Variants in SSU72 observed in about 807,000 individuals in gnomAD.
The protein encoded by SSU72 is SSU72 homolog, RNA polymerase II CTD phosphatase.
Under a neutral mutation model 22.7 loss-of-function variants are expected in SSU72, and 12 were observed. The ratio of observed to expected loss-of-function variants is 0.53; its 90% CI spans 0.34 to 0.86. The LOEUF (loss-of-function observed/expected upper bound fraction) is 0.86. Ranked by LOEUF, SSU72 falls within the 40% of genes least tolerant of loss-of-function variation. The probability of loss-of-function intolerance (pLI) is 0.02; values close to 1 mark genes in which losing one functional copy is unlikely to be tolerated. For synonymous variants in SSU72, 116 were observed against 98.3 expected, an observed-to-expected ratio of 1.18 and a Z score of -1.06; for missense variants, 151 against 249.8, an observed-to-expected ratio of 0.60 and a Z score of 2.67.
Position 1,567,159 on chromosome 1 carries a change from C to T in SSU72, c.81-2243G>A, listed in dbSNP as rs111805688. Among the ~76,000 whole-genome samples the T allele has an allele frequency of 8.5e-3, 1,302 of 152,342 alleles. 16 individuals are homozygous for T. Among genetic ancestry groups the T allele is most frequent in the African/African-American group, 0.025 (1,058 of 41,576 alleles). On this transcript the variant is annotated intron_variant, in intron 1 of 4. Coordinates refer to ENST00000291386, the MANE Select transcript of SSU72 (RefSeq NM_014188.3). ...GGGCAGGACAGGCCATGCGGCTCCA[C>T]GCGCACCTCCGAAGATGAGTAGAGG...
At chr1:1,556,230 A>G (rs1642519197) in intron 2 of SSU72, among the ~76,000 whole-genome samples, 1 of 152,234 alleles carries the variant, frequency 6.6e-6, no homozygotes, top group Non-Finnish European at 1.5e-5. Context: ...CAGGAGATGG[A>G]GACCATCCTG....
At chr1:1,546,030 TG>T (rs2100705123) in intron 2 of SSU72, 1 of 152,180 alleles carries the variant, frequency 6.6e-6, no homozygotes, top group Non-Finnish European at 1.5e-5. Flanking sequence ...GTCCTCAGGG[TG>T]GGGCATCCTC....
At chr1:1,573,080 G>C (rs896193469) in intron 1 of SSU72, among the ~76,000 whole-genome samples, 18 of 149,860 alleles carry the variant, frequency 1.2e-4, no homozygotes, top group Admixed American at 6.7e-5. Context: ...CCTGAGGTCA[G>C]GAGTTTGAGA....
chr1:1,566,840 G>A (rs1642667922), intron 1 of SSU72, among the ~76,000 whole-genome samples: 1 of 142,982 alleles, frequency 7.0e-6, no homozygotes, highest in Non-Finnish European at 1.5e-5. Flanking sequence ...GGCGACAAGA[G>A]CGAGACCCTG....
At chr1:1,548,327 G>C (rs1032845261) in intron 2 of SSU72, among the ~76,000 whole-genome samples, 4 of 152,216 alleles carry the variant, frequency 2.6e-5, no homozygotes, top group Admixed American at 1.3e-4. Flanking sequence ...GGGAGGCTGA[G>C]ACAGGCGGAT....
intron 2 of SSU72, among the ~76,000 whole-genome samples, chr1:1,558,258 G>A (rs1642544705): frequency 6.6e-6 from 1 of 150,986 alleles, no homozygotes; most frequent in Non-Finnish European, 1.5e-5. Context: ...CAGCTACTGG[G>A]GAGGGTGACG....
chr1:1,553,506 C>T (rs950235589), intron 2 of SSU72, among the ~76,000 whole-genome samples: 19 of 151,118 alleles, frequency 1.3e-4, no homozygotes, highest in African/African-American at 4.6e-4. Context: ...CCAGGCGCAG[C>T]GGCTCATGCC....
rs1642503464 is a variant in SSU72 at position 1,555,000 on chromosome 1, T to C, written c.224+9773A>G. 6.6e-6 allele frequency among the ~76,000 whole-genome samples: 1 copy of C among 152,176 alleles called. No homozygotes were observed. The highest frequency in any genetic ancestry group is 1.5e-5 in the Non-Finnish European group (1 of 68,026). On this transcript the variant is annotated intron_variant, in intron 2 of 4. Coordinates refer to ENST00000291386, the MANE Select transcript of SSU72 (RefSeq NM_014188.3). This position sits in a 1 kb window ranked among gnomAD's most constrained non-coding sequence, Gnocchi z 4.1. ...CCCCGGAAGGCCACACCATCTTCCC[T>C]GCACGTATGACTCATCCCAGAGCAT...
At chr1:1,572,926 T>C (rs1642750626) in intron 1 of SSU72, among the ~76,000 whole-genome samples, 1 of 151,148 alleles carries the variant, frequency 6.6e-6, no homozygotes, top group African/African-American at 2.4e-5. Context: ...TGTATCAAAT[T>C]TTTACAGGTA....
At chr1:1,550,142 C>T (rs1199853152) in intron 2 of SSU72, among the ~76,000 whole-genome samples, 4 of 147,428 alleles carry the variant, frequency 2.7e-5, no homozygotes, top group East Asian at 2.0e-4. Context: ...CACATCACTA[C>T]ACTCCAGCCT....
chr1:1,550,815 A>G lies in SSU72; in HGVS notation c.225-5813T>C, dbSNP rs568400680. ...AAGGCCTGGTGGTTCATCAGCAGGA[A>G]GGCTGCACCCACCACTCACTCCACT... is the stretch of plus-strand genomic sequence containing the variant. On this transcript the variant is annotated intron_variant, in intron 2 of 4. Coordinates refer to ENST00000291386, the MANE Select transcript of SSU72 (RefSeq NM_014188.3). 3.2e-4 allele frequency among the ~76,000 whole-genome samples: 48 copies of G among 152,280 alleles called. No individual in the cohort carries two copies. The Middle Eastern group carries it at 0.014, about 43-fold the overall frequency.
In SSU72 at chr1:1,574,654, G is replaced by A. The variant is rs912588703; in HGVS notation, c.-97C>T. On this transcript the variant is annotated 5_prime_UTR_variant, in exon 1 of 5. Transcript: ENST00000291386. ...AATGGCGGCCGCGGTGGCCGGAAGC[G>A]GGCGACGCGAAACGACGGCGCCGGC... 4.8e-6 allele frequency: 6 copies of A among 1,257,702 alleles called. No individual in the cohort carries two copies. In the African/African-American group the frequency reaches 1.3e-4, roughly 27 times the overall value. 77.9% of individuals were successfully genotyped at this position (1,257,702 alleles called of 1,614,324 possible). A position where few individuals can be genotyped will look rare whatever the true frequency, so the allele number is the denominator to read the frequency against.
chr1:1,568,858 G>A (rs1203267453), intron 1 of SSU72, among the ~76,000 whole-genome samples: 1 of 150,916 alleles, frequency 6.6e-6, no homozygotes, highest in African/African-American at 2.4e-5. Flanking sequence ...AACACAGTAA[G>A]ACCCTGTCTG....
rs751966363 is a variant in SSU72, at chr1:1,564,385, G to GGCAC, written c.224+384_224+387dup. The GGCAC allele has an allele frequency of 5.1e-4, 651 of 1,279,854 alleles. 6 individuals are homozygous for GGCAC. The highest frequency in any genetic ancestry group is 1.2e-4 in the Non-Finnish European group (113 of 962,188). The allele number at this position is 1,279,854 out of a possible 1,614,324, so 79.3% of individuals were successfully genotyped here. On this transcript the variant is annotated intron_variant, in intron 2 of 4. Coordinates refer to ENST00000291386, the MANE Select transcript of SSU72 (RefSeq NM_014188.3). ...AAGCAGCCCGGCTCCATGTGTATCA[G>GGCAC]GCACGCACGCACACACGCACGCACA...
chr1:1,548,124 T>C (rs573238324), intron 2 of SSU72, among the ~76,000 whole-genome samples: 2 of 152,262 alleles, frequency 1.3e-5, no homozygotes, highest in South Asian at 2.1e-4. Flanking sequence ...ACTGCCCCCA[T>C]TGGACTCCCA....
In SSU72 at chr1:1,565,475, T is replaced by C. The variant is rs552523249; in HGVS notation, c.81-559A>G. 7.5e-4 allele frequency among the ~76,000 whole-genome samples: 114 copies of C among 152,348 alleles called. 1 individual carries two copies. Among genetic ancestry groups the C allele is most frequent in the Admixed American group, 2.2e-3 (33 of 15,292 alleles). On this transcript the variant is annotated intron_variant, in intron 1 of 4. Coordinates refer to ENST00000291386, the MANE Select transcript of SSU72 (RefSeq NM_014188.3). ...CTGAAAGGACTGACTGATGTGGACT[T>C]GGGGAAGATTTCATCAGAACATTTT... is the stretch of plus-strand genomic sequence containing the variant.
At chr1:1,548,901 C>T (rs1642424041) in intron 2 of SSU72, among the ~76,000 whole-genome samples, 1 of 152,248 alleles carries the variant, frequency 6.6e-6, no homozygotes, top group Admixed American at 6.5e-5. Context: ...GGTGTCACTC[C>T]CGTCCCACAG....
chr1:1,552,216 G>A (rs541557688), intron 2 of SSU72, among the ~76,000 whole-genome samples: 3 of 152,310 alleles, frequency 2.0e-5, no homozygotes, highest in South Asian at 2.1e-4. Context: ...CCTGCACAGG[G>A]AGGTGAGGTC....
At chr1:1,566,023 G>A (rs1027570800) in intron 1 of SSU72, among the ~76,000 whole-genome samples, 9 of 151,968 alleles carry the variant, frequency 5.9e-5, no homozygotes, top group East Asian at 3.9e-4. Flanking sequence ...TTGGGAGGCC[G>A]AGACAAATGG....
Sources: gnomAD v4.1 joint callset for allele counts (sites outside exome capture counted in the v4.1 genomes callset) on GRCh38, gnomAD v4.1.1 for gene constraint, Gnocchi (gnomAD v3.1) non-coding constraint, MANE v1.5 for transcripts, NCBI Gene and HGNC (gene_info 2026-07-23, HGNC 2026-07-21) for gene names.